The following PRDM15 variants were observed in gnomAD, a reference collection of about 807,000 sequenced individuals.
The protein encoded by PRDM15 is PR domain zinc finger protein 15.
PRDM15 carries 64 observed loss-of-function variants against 128.6 expected under a neutral mutation model. The ratio of observed to expected loss-of-function variants is 0.50; its 90% CI spans 0.41 to 0.61. The LOEUF (loss-of-function observed/expected upper bound fraction) is 0.61, where lower values mean the gene tolerates loss of function less well. Ranked by LOEUF, PRDM15 falls within the 20% of genes least tolerant of loss-of-function variation. The pLI, the probability that PRDM15 is intolerant of heterozygous loss-of-function variation, is 0.00. For synonymous variants in PRDM15, 615 were observed against 621.8 expected (o/e 0.99, Z 0.16); for missense variants, 1,242 against 1,569.1 (o/e 0.79, Z 3.52).
chr21:41,806,439 CCAT>C (rs1247603052), intron 21 of PRDM15, among the ~76,000 whole-genome samples: 3 of 37,776 alleles, frequency 7.9e-5, no homozygotes, highest in Admixed American at 3.2e-4. Context: ...ACCACCACCA[CCAT>C]CACCACCACC....
chr21:41,878,680 G>C, intron 1 of PRDM15: 1 of 1,529,146 alleles, frequency 6.5e-7, no homozygotes, highest in Non-Finnish European at 8.8e-7. Flanking sequence ...CAGGGGGTCT[G>C]GGAGACCCCA....
At position 41,836,255 on chromosome 21, in the gene PRDM15, C is replaced by T. The variant is rs758932001; in HGVS notation, c.1184-48G>A. On this transcript the variant is annotated intron_variant, in intron 9 of 23. Coordinates refer to ENST00000398548, the MANE Select transcript of PRDM15 (RefSeq NM_001040424.3). The stretch of plus-strand genomic sequence containing the variant: ...GCTCATTCACTACTTAGAGCATTTA[C>T]CGAGAGAAGCATGCCCACCGGGGAA... 6.5e-6 allele frequency: 10 copies of T among 1,543,328 alleles called. No individual in the cohort carries two copies. The Admixed American group carries it at 1.7e-4, about 26-fold the overall frequency.
At chr21:41,819,533 C>T (rs1206571042) in intron 18 of PRDM15, 49 bp downstream of exon 18, 3 of 1,591,018 alleles carry the variant, frequency 1.9e-6, no homozygotes, top group South Asian at 1.1e-5. Context: ...CACCCTGCAG[C>T]AGGGTGGCCT....
At chr21:41,841,640 T>C (rs1286840696) in intron 6 of PRDM15, among the ~76,000 whole-genome samples, 1 of 151,946 alleles carries the variant, frequency 6.6e-6, no homozygotes, top group African/African-American at 2.4e-5. Flanking sequence ...CAGAGCAAAT[T>C]AGAAAATACT....
At chr21:41,808,602 T>C (rs887983807) in intron 21 of PRDM15, among the ~76,000 whole-genome samples, 1 of 152,218 alleles carries the variant, frequency 6.6e-6, no homozygotes, top group Non-Finnish European at 1.5e-5. Flanking sequence ...AAATTACCCA[T>C]CACTTCAAGA....
chr21:41,863,084 G>A (rs1186868007), intron 1 of PRDM15, among the ~76,000 whole-genome samples: 2 of 151,688 alleles, frequency 1.3e-5, no homozygotes, highest in African/African-American at 4.8e-5. Context: ...CAGGAGAATC[G>A]CTTGAACCAG....
intron 13 of PRDM15, among the ~76,000 whole-genome samples, chr21:41,823,941 C>T (rs1188069763): frequency 2.6e-5 from 4 of 152,356 alleles, no homozygotes; most frequent in South Asian, 4.1e-4. Flanking sequence ...TCATCCAATA[C>T]GCATCCAAGG....
At chr21:41,866,109 AT>A (rs568331983) in intron 1 of PRDM15, among the ~76,000 whole-genome samples, 1 of 152,240 alleles carries the variant, frequency 6.6e-6, no homozygotes, top group African/African-American at 2.4e-5. Flanking sequence ...CTTTTGTTCA[AT>A]TCTTATGTAT....
Position 41,834,457 on chromosome 21 carries a change from C to T in PRDM15, c.1366+980G>A, listed in dbSNP as rs1409920022. On this transcript the variant is annotated intron_variant, in intron 11 of 23. Coordinates refer to ENST00000398548, the MANE Select transcript of PRDM15 (RefSeq NM_001040424.3). ...AAGAACAACACAGAGATGCAAGTGA[C>T]AGACACAGAGCAGGCGGACAAGGAC... is the stretch of plus-strand genomic sequence containing the variant. The T allele has an allele frequency of 3.3e-6, 5 of 1,494,686 alleles. No homozygotes were observed. The East Asian group carries it at 9.8e-5, about 29-fold the overall frequency. 92.6% of individuals were successfully genotyped at this position (1,494,686 alleles called of 1,614,324 possible).
At chr21:41,829,786 CCA>C (rs1158945954) in intron 11 of PRDM15, among the ~76,000 whole-genome samples, 1 of 151,160 alleles carries the variant, frequency 6.6e-6, no homozygotes, top group Non-Finnish European at 1.5e-5. Context: ...TATAATCACA[CCA>C]CACAGATACA....
chr21:41,857,622 A>G (rs988993133), intron 3 of PRDM15, among the ~76,000 whole-genome samples: 9 of 152,176 alleles, frequency 5.9e-5, no homozygotes, highest in Non-Finnish European at 1.0e-4. Context: ...TTAGCTGGAC[A>G]TGGTGGCATG....
Position 41,859,213 on chromosome 21 carries a change from G to T in PRDM15, c.131+379C>A. On this transcript the variant is annotated intron_variant, in intron 3 of 23. Coordinates refer to ENST00000398548, the MANE Select transcript of PRDM15 (RefSeq NM_001040424.3). This position sits in a 1 kb window ranked among gnomAD's most constrained non-coding sequence, Gnocchi z 5.3. ...GCCCCGCCTGGGTGTGCACGTGTCCGCTGGCAGGCCAAGACCTGGAATGCA... is the reference window on the plus strand; with the variant it reads ...GCCCCGCCTGGGTGTGCACGTGTCCTCTGGCAGGCCAAGACCTGGAATGCA... The T allele has an allele frequency of 6.2e-7, 1 of 1,613,730 alleles. No homozygotes were observed. The highest frequency in any genetic ancestry group is 1.1e-5 in the South Asian group (1 of 91,032).
chr21:41,845,971 C>A (rs1247482399), intron 6 of PRDM15, among the ~76,000 whole-genome samples: 1 of 152,052 alleles, frequency 6.6e-6, no homozygotes, highest in African/African-American at 2.4e-5. Flanking sequence ...AGCTGCCCTG[C>A]TCTGCTATTT....
In PRDM15 at chr21:41,825,317, G is replaced by A. The variant is rs1406292357; in HGVS notation, c.1629+643C>T. On this transcript the variant is annotated intron_variant, in intron 13 of 23. Transcript: ENST00000398548. Reference sequence around the variant, plus strand: ...TGGACCCCAGGCTCTCCCGGGACGCGCAGCGTGTTTGCTGGATGTTTAGGA... The same window carrying A: ...TGGACCCCAGGCTCTCCCGGGACGCACAGCGTGTTTGCTGGATGTTTAGGA... Among the ~76,000 whole-genome samples, 5 of 152,358 alleles carry A rather than the reference G, an allele frequency of 3.3e-5. No homozygotes were observed. In the East Asian group the frequency reaches 7.7e-4, roughly 23 times the overall value.
intron 7 of PRDM15, among the ~76,000 whole-genome samples, chr21:41,838,986 G>A (rs930609043): frequency 3.3e-5 from 5 of 152,268 alleles, no homozygotes; most frequent in South Asian, 2.1e-4. Flanking sequence ...TGAGGCCCAC[G>A]AGGCGTGTGC....
At position 41,821,107 on chromosome 21, in the gene PRDM15, C is replaced by A; in HGVS notation, c.2020G>T (p.Val674Phe). ...ALKATYHAHM[V>F]IHRENLPDPN... ...TCCGGCAGGTTTTCACGGTGGATGA[C>A]CATGTGGGCGTGGTAGGTGGCCTTC... The change falls in exon 16 of 24, where the codon GTC becomes TTC. Residue 674 changes from valine to phenylalanine, a missense_variant. Physicochemically the swap from Val to Phe is conservative, Grantham distance 50. Transcript: ENST00000398548. This position sits in a 1 kb window ranked among gnomAD's most constrained non-coding sequence, Gnocchi z 5.4. 1 of 1,614,228 alleles carries A rather than the reference C, an allele frequency of 6.2e-7. No individual in the cohort carries two copies. Among genetic ancestry groups the A allele is most frequent in the Non-Finnish European group, 8.5e-7 (1 of 1,180,034 alleles).
chr21:41,813,355 C>G (rs2061928665), intron 19 of PRDM15: 2 of 152,446 alleles, frequency 1.3e-5, no homozygotes, highest in South Asian at 2.1e-4. Context: ...AAAGCATATA[C>G]TGGACAGAGA....
intron 11 of PRDM15, among the ~76,000 whole-genome samples, chr21:41,830,909 C>T (rs553307863): frequency 6.6e-6 from 1 of 152,334 alleles, no homozygotes; most frequent in Non-Finnish European, 1.5e-5. Flanking sequence ...TCCTCACTGC[C>T]CAGTCCCTCA....
intron 12 of PRDM15, 59 bp from the exon 13 acceptor site, chr21:41,826,113 A>T (rs947642793): frequency 2.9e-6 from 4 of 1,372,414 alleles, no homozygotes. Flanking sequence ...GCGAAGGTCC[A>T]TCAGATTCCA....
Sources: allele counts gnomAD v4.1 joint callset (sites outside exome capture counted in the v4.1 genomes callset), GRCh38; gene constraint gnomAD v4.1.1; non-coding constraint Gnocchi (gnomAD v3.1); transcripts MANE v1.5; gene names NCBI Gene and HGNC (gene_info 2026-07-23, HGNC 2026-07-21).